The following KNOP1 variants were observed in gnomAD, a reference collection of about 807,000 sequenced individuals.
KNOP1 encodes lysine rich nucleolar protein 1.
Under a neutral mutation model 30.6 loss-of-function variants are expected in KNOP1, and 20 were observed. That is an observed-to-expected ratio of 0.65 (90% CI 0.46 to 0.95). The LOEUF is 0.95. KNOP1 is among the 40% of genes least tolerant of loss of function. The probability of loss-of-function intolerance (pLI) is 0.00; values close to 1 mark genes in which losing one functional copy is unlikely to be tolerated. For missense variants in KNOP1, 540 were observed against 562.0 expected, an observed-to-expected ratio of 0.96 and a Z score of 0.40; for synonymous variants, 204 against 210.0, an observed-to-expected ratio of 0.97 and a Z score of 0.25.
In KNOP1 at chr16:19,706,615, T is replaced by C. The variant is rs898699926; in HGVS notation, c.*295A>G. On this transcript the variant is annotated 3_prime_UTR_variant, in exon 5 of 5. Transcript: ENST00000219837. ...ACTCGTTCTCCTGGCTCCCGAAATA[T>C]GAGCTGCCCTGCCCCAGTTCATCCA... 1.1e-5 allele frequency: 4 copies of C among 359,136 alleles called. No homozygotes were observed. The highest frequency in any genetic ancestry group is 8.6e-5 in the African/African-American group (4 of 46,246). 22.2% of individuals were successfully genotyped at this position (359,136 alleles called of 1,614,324 possible). A position where few individuals can be genotyped will look rare whatever the true frequency, so the allele number is the denominator to read the frequency against.
chr16:19,710,886 T>C (rs1341168502), intron 3 of KNOP1, among the ~76,000 whole-genome samples: 1 of 120,060 alleles, frequency 8.3e-6, no homozygotes, highest in Non-Finnish European at 1.6e-5. Flanking sequence ...CACTCCAGCC[T>C]GGGGGACAGA....
rs1052474359 is a variant in KNOP1, at chr16:19,715,192, A to G, written c.-2-155T>C. ...ATTCCTTTAAAGCAAAAAAAGAAAT[A>G]CTACAGAAACAGCGTAAATTTTAAA... On this transcript the variant is annotated intron_variant, in intron 1 of 4. Coordinates refer to ENST00000219837, the MANE Select transcript of KNOP1 (RefSeq NM_001012991.3). 5.6e-6 allele frequency: 3 copies of G among 534,706 alleles called. No homozygotes were observed. The South Asian group carries it at 9.8e-5, about 17-fold the overall frequency. 33.1% of individuals were successfully genotyped at this position (534,706 alleles called of 1,614,324 possible).
At position 19,707,030 on chromosome 16, in the gene KNOP1, G is replaced by A. The variant is rs367767940; in HGVS notation, c.1257C>T (p.Asp419=). The change falls in exon 5 of 5, where the codon GAC becomes GAT. Residue 419 remains aspartate (D), a synonymous_variant. Coordinates refer to ENST00000219837, the MANE Select transcript of KNOP1 (RefSeq NM_001012991.3). ...ADSLQQNLQR[D]YDRAMSWKYS... ...ACTTCCAGCTCATGGCCCGGTCGTAGTCCCGCTGCAGATTCTGCTGCAGGC... is the reference window on the plus strand; with the variant it reads ...ACTTCCAGCTCATGGCCCGGTCGTAATCCCGCTGCAGATTCTGCTGCAGGC... 35 of 1,614,050 alleles carry A rather than the reference G, an allele frequency of 2.2e-5. No individual in the cohort carries two copies. Among genetic ancestry groups the A allele is most frequent in the Non-Finnish European group, 2.6e-5 (31 of 1,180,036 alleles).
In KNOP1 at chr16:19,714,298, C is replaced by T; in HGVS notation, c.738G>A (p.Lys246=). ...ESSPRKGSKK[K]PVKVEAPEYI... is the part of the protein sequence containing the mutation. ...ATTCCGGAGCCTCAACTTTGACTGG[C>T]TTCTTTTTACTTCCTTTCCTAGGGC... Residue 246 remains lysine (K), a synonymous_variant, in exon 2 of 5, where the codon AAG becomes AAA. Transcript: ENST00000219837. 3.1e-6 allele frequency: 5 copies of T among 1,614,094 alleles called. No homozygotes were observed. Among genetic ancestry groups the T allele is most frequent in the Non-Finnish European group, 3.4e-6 (4 of 1,179,988 alleles).
intron 1 of KNOP1, 158 bp downstream of exon 1, chr16:19,718,000 G>A: frequency 2.3e-6 from 3 of 1,322,936 alleles, no homozygotes; most frequent in Non-Finnish European, 1.9e-6. Flanking sequence ...ACTTTCTGGA[G>A]GCGGCGGCCT....
rs1231600345 is a variant in KNOP1 at position 19,714,879 on chromosome 16, C to T, written c.157G>A (p.Val53Met). The change falls in exon 2 of 5, where the codon GTG becomes ATG. Residue 53 changes from valine (V) to methionine (M), a missense_variant. By Grantham distance (21) the Val-to-Met change is conservative (BLOSUM62 1). Transcript: ENST00000219837. ...PLRATSPSKS[V>M]AHGQAPEMPL... ...ATCTCAGGTGCCTGCCCATGGGCCA[C>T]ACTCTTAGAGGGGGATGTAGCTCTT... The T allele has an allele frequency of 1.2e-6, 2 of 1,613,672 alleles. No individual in the cohort carries two copies. The highest frequency in any genetic ancestry group is 1.3e-5 in the African/African-American group (1 of 74,876).
At chr16:19,712,220 C>T (rs1976758706) in intron 2 of KNOP1, 1 of 152,194 alleles carries the variant, frequency 6.6e-6, no homozygotes, top group Admixed American at 6.5e-5. Flanking sequence ...CTCCAAGTTT[C>T]TGAATAAAGG....
At chr16:19,713,057 G>A (rs763478826) in intron 2 of KNOP1, among the ~76,000 whole-genome samples, 6 of 152,054 alleles carry the variant, frequency 3.9e-5, no homozygotes, top group Non-Finnish European at 7.4e-5. Context: ...CATCTCAGAC[G>A]GTGTGGTTTA....
In KNOP1 at chr16:19,703,611, A is replaced by AACAC. The variant is rs960436943; in HGVS notation, c.*3295_*3298dup. 4.0e-5 allele frequency: 6 copies of AACAC among 150,948 alleles called. No individual in the cohort carries two copies. Among genetic ancestry groups the AACAC allele is most frequent in the Non-Finnish European group, 2.9e-5 (2 of 67,902 alleles). 9.4% of individuals were successfully genotyped at this position (150,948 alleles called of 1,614,324 possible). On this transcript the variant is annotated 3_prime_UTR_variant, in exon 5 of 5. Transcript: ENST00000219837. ...GGTCTTGCTCTGTCACCCAGGCTGG[A>AACAC]ACACAGTGGTGCAATCATGGCTCAC...
rs1976419580 is a variant in KNOP1 at position 19,707,158 on chromosome 16, G to A, written c.1129C>T (p.Leu377Phe). The A allele has an allele frequency of 4.3e-6, 7 of 1,614,030 alleles. No individual in the cohort carries two copies. Among genetic ancestry groups the A allele is most frequent in the Non-Finnish European group, 4.2e-6 (5 of 1,179,994 alleles). ...TTTTTGAAGCCACCCATAAGTCTGA[G>A]AAATTTCAGTTTTTGGTCCTCGTTC... ...FENEDQKLKFLRLMGGFKNLS... is the reference protein window; with the variant it reads ...FENEDQKLKFFRLMGGFKNLS... The change falls in exon 5 of 5, where the codon CTC becomes TTC. Residue 377 changes from leucine (L) to phenylalanine (F), a missense_variant. Coordinates refer to ENST00000219837, the MANE Select transcript of KNOP1 (RefSeq NM_001012991.3).
At chr16:19,715,307 A>T (rs1038580810) in intron 1 of KNOP1, 1 of 348,314 alleles carries the variant, frequency 2.9e-6, no homozygotes, top group Admixed American at 4.5e-5. Flanking sequence ...CCATCTGGAA[A>T]ATGGGGGAAT....
chr16:19,707,120 C>T lies in KNOP1; in HGVS notation c.1167G>A (p.Ser389=), dbSNP rs752573375. 91 of 1,613,900 alleles carry T rather than the reference C, an allele frequency of 5.6e-5. 1 individual carries two copies. The highest frequency in any genetic ancestry group is 7.3e-5 in the Non-Finnish European group (86 of 1,180,002). Residue 389 remains serine (S), a synonymous_variant, in exon 5 of 5, where the codon TCG becomes TCA. Coordinates refer to ENST00000219837, the MANE Select transcript of KNOP1 (RefSeq NM_001012991.3). The part of the protein sequence containing the change: ...LMGGFKNLSP[S]FSRPASTIAR... ...CAATCGTGCTGGCGGGGCGGCTGAACGAAGGGGACAGGTTTTTGAAGCCAC... is the reference window on the plus strand; with the variant it reads ...CAATCGTGCTGGCGGGGCGGCTGAATGAAGGGGACAGGTTTTTGAAGCCAC...
intron 1 of KNOP1, chr16:19,717,503 T>A (rs935460074): frequency 2.0e-6 from 2 of 985,070 alleles, no homozygotes; most frequent in Non-Finnish European, 2.4e-6. Flanking sequence ...GAACAAAGAA[T>A]CCACCGGGAG....
rs71384425 is a variant in KNOP1, at chr16:19,714,253, G to T, written c.783C>A (p.Asp261Glu). ...EAPEYIPISD[D>E]PKASAKKKMK... ...TCTTTTTCTTTGCGGAGGCCTTAGG[G>T]TCATCACTTATGGGGATGTATTCCG... Residue 261 changes from aspartate to glutamate, a missense_variant, in exon 2 of 5, where the codon GAC (aspartate) becomes GAA (glutamate). Asp to Glu is a conservative substitution (Grantham distance 45). Coordinates refer to ENST00000219837, the MANE Select transcript of KNOP1 (RefSeq NM_001012991.3). The T allele has an allele frequency of 8.1e-6, 13 of 1,613,972 alleles. No homozygotes were observed. Among genetic ancestry groups the T allele is most frequent in the Non-Finnish European group, 8.5e-7 (1 of 1,180,032 alleles).
At position 19,706,923 on chromosome 16, in the gene KNOP1, T is replaced by A. The variant is rs778347837; in HGVS notation, c.1364A>T (p.Lys455Met). Residue 455 changes from lysine to methionine, a missense_variant, in exon 5 of 5, where the codon AAG becomes ATG. Transcript: ENST00000219837. ...YIDRNASKSVKLED is the reference protein window; with the variant it reads ...YIDRNASKSVMLED ...AAACTCTAGAGTTTAATCTTCCAGCTTGACTGACTTGGAAGCGTTCCTGTC... is the reference window on the plus strand; with the variant it reads ...AAACTCTAGAGTTTAATCTTCCAGCATGACTGACTTGGAAGCGTTCCTGTC... 8 of 1,612,500 alleles carry A rather than the reference T, an allele frequency of 5.0e-6. No individual in the cohort carries two copies. Among genetic ancestry groups the A allele is most frequent in the Non-Finnish European group, 6.8e-6 (8 of 1,179,978 alleles).
chr16:19,714,244 G>T lies in KNOP1; in HGVS notation c.792C>A (p.Ala264=), dbSNP rs370291595. The T allele has an allele frequency of 5.0e-6, 8 of 1,613,984 alleles. No individual in the cohort carries two copies. The highest frequency in any genetic ancestry group is 2.2e-5 in the East Asian group (1 of 44,862). Residue 264 remains alanine, a synonymous_variant, in exon 2 of 5, where the codon GCC becomes GCA. Transcript: ENST00000219837. ...EYIPISDDPK[A]SAKKKMKSKK... is the part of the protein sequence containing the mutation. Reference sequence around the variant, plus strand: ...TGGACTTCATCTTTTTCTTTGCGGAGGCCTTAGGGTCATCACTTATGGGGA... The same window carrying T: ...TGGACTTCATCTTTTTCTTTGCGGATGCCTTAGGGTCATCACTTATGGGGA...
chr16:19,708,289 C>T (rs1976525066), intron 4 of KNOP1, among the ~76,000 whole-genome samples: 1 of 151,962 alleles, frequency 6.6e-6, no homozygotes, highest in African/African-American at 2.4e-5. Flanking sequence ...GCGCTACCAC[C>T]CATGTGCAAG....
chr16:19,708,292 T>A (rs977054171), intron 4 of KNOP1, among the ~76,000 whole-genome samples: 1 of 151,538 alleles, frequency 6.6e-6, no homozygotes, highest in African/African-American at 2.4e-5. Flanking sequence ...CTACCACCCA[T>A]GTGCAAGAAA....
intron 3 of KNOP1, 105 bp from the exon 4 acceptor site, chr16:19,710,691 T>A (rs1976668283): frequency 2.4e-6 from 2 of 844,648 alleles, no homozygotes; most frequent in Non-Finnish European, 2.0e-6. Context: ...TGGGAGGAAC[T>A]AACACAGCTT....
Sources: gnomAD v4.1 joint callset for allele counts (sites outside exome capture counted in the v4.1 genomes callset) on GRCh38, gnomAD v4.1.1 for gene constraint, MANE v1.5 for transcripts, NCBI Gene and HGNC (gene_info 2026-07-23, HGNC 2026-07-21) for gene names.